Variants in ACBD6 observed in about 807,000 individuals in gnomAD.
ACBD6 encodes the protein acyl-CoA binding domain containing 6, also known as acyl-CoA-binding domain-containing protein 6.
In ACBD6, 28 loss-of-function variants were observed where a neutral mutation model predicts 37.2. That is an observed-to-expected ratio of 0.75 (90% confidence interval 0.56 to 1.03). The LOEUF is 1.03. ACBD6 is among the 50% of genes least tolerant of loss of function. ACBD6 has a pLI of 0.00. For missense variants in ACBD6, 340 were observed against 337.4 expected, an observed-to-expected ratio of 1.01 and a Z score of -0.06; for synonymous variants, 113 against 126.8, an observed-to-expected ratio of 0.89 and a Z score of 0.73.
At chr1:180,351,581 CGT>C (rs1491336852) in intron 6 of ACBD6, among the ~76,000 whole-genome samples, 4 of 92,650 alleles carry the variant, frequency 4.3e-5, no homozygotes, top group Admixed American at 1.7e-4. Context: ...CCCGATATTA[CGT>C]TTTTTTTTTT....
At chr1:180,359,693 G>A (rs377230921) in intron 6 of ACBD6, among the ~76,000 whole-genome samples, 6,605 of 23,798 alleles carry the variant, frequency 0.28, 454 homozygotes, top group African/African-American at 0.47. Context: ...TTCTTTCAGT[G>A]GGGTCCTAAG....
chr1:180,368,200 C>G (rs1391493634), intron 6 of ACBD6, among the ~76,000 whole-genome samples: 1 of 151,864 alleles, frequency 6.6e-6, no homozygotes, highest in Admixed American at 6.6e-5. Context: ...TTTGAAGTGT[C>G]TGTCCCTGTT....
intron 6 of ACBD6, among the ~76,000 whole-genome samples, chr1:180,371,923 G>A (rs954496512): frequency 1.3e-5 from 2 of 152,118 alleles, no homozygotes; most frequent in East Asian, 1.9e-4. Context: ...TATTTACTAC[G>A]AAGCTCTTCA....
intron 3 of ACBD6, among the ~76,000 whole-genome samples, chr1:180,483,646 T>C (rs1253702736): frequency 1.2e-4 from 19 of 152,180 alleles, no homozygotes; most frequent in Admixed American, 5.9e-4. Flanking sequence ...TTTGGTTCAA[T>C]ATAAAATGGT....
intron 3 of ACBD6, chr1:180,435,114 GA>G (rs982894049): frequency 2.4e-5 from 18 of 741,516 alleles, no homozygotes; most frequent in East Asian, 5.0e-5. Flanking sequence ...TAACACTGGG[GA>G]AAAAAAAGCT....
chr1:180,490,936 T>A (rs1651475213), intron 3 of ACBD6, among the ~76,000 whole-genome samples: 1 of 138,594 alleles, frequency 7.2e-6, no homozygotes, highest in African/African-American at 2.7e-5. Flanking sequence ...CCAGTCTGAG[T>A]GATAGAGTGA....
intron 6 of ACBD6, among the ~76,000 whole-genome samples, chr1:180,350,800 A>G (rs775886487): frequency 3.9e-5 from 6 of 152,064 alleles, no homozygotes; most frequent in Non-Finnish European, 7.3e-5. Flanking sequence ...ACCTCTTCCA[A>G]TGCACTTGCA....
chr1:180,351,925 A>G (rs976481182), intron 6 of ACBD6, among the ~76,000 whole-genome samples: 7 of 152,244 alleles, frequency 4.6e-5, no homozygotes, highest in South Asian at 2.1e-4. Context: ...GAAAGGATAA[A>G]CAAAATATGG....
chr1:180,281,049 A>G (rs1212224126), intron 9 of ACBD6, among the ~76,000 whole-genome samples: 1 of 152,154 alleles, frequency 6.6e-6, no homozygotes, highest in East Asian at 1.9e-4. Flanking sequence ...GACCGCTTCC[A>G]CTTTATCCTC....
In ACBD6 at chr1:180,345,534, T is replaced by C. The variant is rs1340098981; in HGVS notation, c.664-30812A>G. ...AGGTATCCTAAAAATACTTCAAATATTTAAAAAAACCTTATAAAAAAGTTT... is the reference window on the plus strand; with the variant it reads ...AGGTATCCTAAAAATACTTCAAATACTTAAAAAAACCTTATAAAAAAGTTT... On this transcript the variant is annotated intron_variant, in intron 6 of 7. Coordinates refer to ENST00000367595, the MANE Select transcript of ACBD6 (RefSeq NM_032360.4). Among the ~76,000 whole-genome samples the C allele has an allele frequency of 2.3e-4, 3 of 13,156 alleles. No individual in the cohort carries two copies. In the African/African-American group the frequency reaches 3.1e-3, roughly 14 times the overall value. The allele number at this position is 13,156 out of a possible 152,430, so 8.6% of individuals were successfully genotyped here.
At chr1:180,325,286 T>C (rs1198348926) in intron 6 of ACBD6, among the ~76,000 whole-genome samples, 3 of 152,144 alleles carry the variant, frequency 2.0e-5, no homozygotes, top group African/African-American at 7.2e-5. Context: ...TATTCTTTTG[T>C]TTCCTCTGTG....
At chr1:180,405,791 T>C (rs1423010511) in intron 5 of ACBD6, among the ~76,000 whole-genome samples, 2 of 152,134 alleles carry the variant, frequency 1.3e-5, no homozygotes, top group Non-Finnish European at 2.9e-5. Flanking sequence ...TCACAAATTA[T>C]TGAAATCATC....
At position 180,457,616 on chromosome 1, in the gene ACBD6, C is replaced by T. The variant is rs1011647944; in HGVS notation, c.385-27354G>A. ...ATCAAAGGGCAGAGAAAAATTACAA[C>T]CATTTAAGGAGAGCAAGAGGCTAAC... On this transcript the variant is annotated intron_variant, in intron 3 of 7. Coordinates refer to ENST00000367595, the MANE Select transcript of ACBD6 (RefSeq NM_032360.4). 2.0e-5 allele frequency among the ~76,000 whole-genome samples: 3 copies of T among 151,980 alleles called. No homozygotes were observed. The South Asian group carries it at 6.2e-4, about 32-fold the overall frequency.
At chr1:180,302,432 C>A (rs945439388) in intron 7 of ACBD6, among the ~76,000 whole-genome samples, 1 of 151,622 alleles carries the variant, frequency 6.6e-6, no homozygotes, top group Non-Finnish European at 1.5e-5. Context: ...TAGGATAGTT[C>A]GCTCTTCCTG....
At chr1:180,486,989 G>A (rs1379919239) in intron 3 of ACBD6, among the ~76,000 whole-genome samples, 1 of 151,938 alleles carries the variant, frequency 6.6e-6, no homozygotes, top group African/African-American at 2.4e-5. Flanking sequence ...CAACTGGTCT[G>A]TAATCTGCAA....
At chr1:180,354,301 T>C (rs1347912506) in intron 6 of ACBD6, among the ~76,000 whole-genome samples, 1 of 152,216 alleles carries the variant, frequency 6.6e-6, no homozygotes, top group East Asian at 1.9e-4. Flanking sequence ...TAACCCTCTA[T>C]TTACCCTGAA....
intron 9 of ACBD6, among the ~76,000 whole-genome samples, chr1:180,280,811 T>C (rs530474943): frequency 2.0e-5 from 3 of 152,268 alleles, no homozygotes; most frequent in African/African-American, 7.2e-5. Context: ...GGGTGGTGGT[T>C]AGGGAAATTC....
chr1:180,493,015 G>A (rs927901060), intron 2 of ACBD6, among the ~76,000 whole-genome samples: 2 of 151,974 alleles, frequency 1.3e-5, no homozygotes, highest in African/African-American at 4.8e-5. Flanking sequence ...TTGGGAGGCT[G>A]AGGCAGGTGG....
At chr1:180,419,511 A>G (rs1040954878) in intron 4 of ACBD6, among the ~76,000 whole-genome samples, 10 of 152,172 alleles carry the variant, frequency 6.6e-5, no homozygotes, top group African/African-American at 9.7e-5. Flanking sequence ...GAAATGACCA[A>G]AGGAATTCGT....
Sources: gnomAD v4.1 joint callset for allele counts (sites outside exome capture counted in the v4.1 genomes callset) on GRCh38, gnomAD v4.1.1 for gene constraint, MANE v1.5 for transcripts, NCBI Gene and HGNC (gene_info 2026-07-23, HGNC 2026-07-21) for gene names.